VWDE: variants seen among roughly 807,000 people sequenced by gnomAD.
VWDE encodes von Willebrand factor D and EGF domains, also known as von Willebrand factor D and EGF domain-containing protein.
A neutral mutation model predicts 178.4 loss-of-function variants in VWDE; 207 were observed. That is an observed-to-expected ratio of 1.16 (90% CI 1.04 to 1.30). The LOEUF (loss-of-function observed/expected upper bound fraction) is 1.30. Ranked by LOEUF, VWDE falls within the 50% of genes most tolerant of loss-of-function variation. The pLI is 0.00. For missense variants in VWDE, 2,287 were observed against 1,901.3 expected (o/e 1.20, Z -3.77); for synonymous variants, 738 against 651.4 (o/e 1.13, Z -2.02).
At chr7:12,371,796 A>G (rs10276892) in intron 10 of VWDE, among the ~76,000 whole-genome samples, 45,460 of 151,950 alleles carry the variant, frequency 0.3, 7,700 homozygotes, top group African/African-American at 0.46. Context: ...ACTACAAAGT[A>G]TTCTACTATA....
chr7:12,394,054 A>G (rs535733727), intron 1 of VWDE, among the ~76,000 whole-genome samples: 8 of 152,300 alleles, frequency 5.3e-5, no homozygotes, highest in Admixed American at 6.5e-5. Context: ...TAATTCGAAC[A>G]ACCAATAGAG....
In VWDE at chr7:12,373,252, C is replaced by T. The variant is rs1356754381; in HGVS notation, c.1317-5G>A. ...GTCTTGAAATTATCATATACCCTATCATTAACAAAAGGCAATTGCATTAAA... is the reference window on the plus strand; with the variant it reads ...GTCTTGAAATTATCATATACCCTATTATTAACAAAAGGCAATTGCATTAAA... On this transcript the variant is annotated splice_polypyrimidine_tract_variant and splice_region_variant and intron_variant, in intron 9 of 28. Transcript: ENST00000275358. 3 of 1,548,596 alleles carry T rather than the reference C, an allele frequency of 1.9e-6. No individual in the cohort carries two copies. The African/African-American group carries it at 4.1e-5, about 21-fold the overall frequency.
At chr7:12,344,972 T>C (rs1294308789) in intron 19 of VWDE, among the ~76,000 whole-genome samples, 1 of 151,938 alleles carries the variant, frequency 6.6e-6, no homozygotes, top group Non-Finnish European at 1.5e-5. Context: ...CTTTTATCTG[T>C]TTAGCTGATT....
At chr7:12,394,899 T>A (rs560001308) in intron 1 of VWDE, among the ~76,000 whole-genome samples, 1 of 152,260 alleles carries the variant, frequency 6.6e-6, no homozygotes, top group South Asian at 2.1e-4. Context: ...AAAATCAATT[T>A]CTCAACTTTA....
Position 12,373,055 on chromosome 7 carries a change from T to C in VWDE, c.1509A>G (p.Gln503=). 6.4e-7 allele frequency: 1 copy of C among 1,551,276 alleles called. No individual in the cohort carries two copies. The highest frequency in any genetic ancestry group is 1.7e-4 in the Middle Eastern group (1 of 5,992). ...DMCNGQLRES[Q]PYLFIKSQDV... is the part of the protein sequence containing the mutation. ...CTTGGCTTTTTATGAACAAATATGG[T>C]TGTGATTCACGTAGCTGACCATTGC... Residue 503 remains glutamine (Q), a synonymous_variant, in exon 10 of 29, where the codon CAA becomes CAG. Transcript: ENST00000275358.
At chr7:12,331,839 C>A (rs1780737635) in intron 28 of VWDE, among the ~76,000 whole-genome samples, 2 of 152,048 alleles carry the variant, frequency 1.3e-5, no homozygotes, top group African/African-American at 4.8e-5. Context: ...TTCTCAAAGC[C>A]TTTTATCAAC....
At chr7:12,376,049 G>A (rs75557035) in intron 7 of VWDE, among the ~76,000 whole-genome samples, 2,035 of 152,120 alleles carry the variant, frequency 0.013, 17 homozygotes, top group Non-Finnish European at 0.022. Context: ...CTTCCATACA[G>A]ATTTTTTAGG....
chr7:12,354,385 G>A, intron 18 of VWDE: 1 of 441,934 alleles, frequency 2.3e-6, no homozygotes, highest in South Asian at 1.6e-5. Flanking sequence ...AAATCCTTCT[G>A]GACATGAACC....
intron 13 of VWDE, among the ~76,000 whole-genome samples, chr7:12,363,545 C>G (rs571060697): frequency 6.6e-6 from 1 of 151,578 alleles, no homozygotes; most frequent in African/African-American, 2.4e-5. Flanking sequence ...ACTACTAATA[C>G]AAAAGTAGAA....
At chr7:12,333,330 T>A (rs1780834058) in intron 28 of VWDE, 135 bp downstream of exon 28, 1 of 619,706 alleles carries the variant, frequency 1.6e-6, no homozygotes, top group Non-Finnish European at 2.7e-6. Flanking sequence ...ATACAATTTT[T>A]AATTTTAGAG....
chr7:12,374,976 T>G (rs765436926), intron 8 of VWDE, 34 bp downstream of exon 8: 36 of 1,520,718 alleles, frequency 2.4e-5, no homozygotes, highest in Middle Eastern at 3.6e-4. Flanking sequence ...TTCTTAAAGC[T>G]TCACTTGCAG....
At position 12,370,483 on chromosome 7, in the gene VWDE, T is replaced by C. The variant is rs1288682154; in HGVS notation, c.1823A>G (p.Asp608Gly). 6.5e-7 allele frequency: 1 copy of C among 1,540,700 alleles called. No individual in the cohort carries two copies. The highest frequency in any genetic ancestry group is 2.0e-5 in the Admixed American group (1 of 50,864). ...WRILPGKSMSDTLPVSMTSPG... is the reference protein window; with the variant it reads ...WRILPGKSMSGTLPVSMTSPG... ...TGATGTCATAGAAACTGGCAGTGTG[T>C]CAGACATGCTTTTTCCTGGTAAAAT... Residue 608 changes from aspartate (D) to glycine (G), a missense_variant, in exon 12 of 29, where the codon GAC (aspartate) becomes GGC (glycine). Asp to Gly is a moderately conservative substitution (Grantham distance 94). Coordinates refer to ENST00000275358, the MANE Select transcript of VWDE (RefSeq NM_001135924.3).
chr7:12,355,966 T>C, intron 18 of VWDE, 145 bp downstream of exon 18: 1 of 741,624 alleles, frequency 1.3e-6, no homozygotes, highest in Non-Finnish European at 2.2e-6. Context: ...GGGATATGGA[T>C]AGTAATTATA....
chr7:12,343,785 T>A (rs1461235171), intron 21 of VWDE, among the ~76,000 whole-genome samples: 1 of 152,198 alleles, frequency 6.6e-6, no homozygotes, highest in Non-Finnish European at 1.5e-5. Context: ...TTTTTACAAA[T>A]TCACTTTTTA....
At chr7:12,369,417 T>A (rs1053276148) in intron 12 of VWDE, 128 bp downstream of exon 12, 1 of 1,212,774 alleles carries the variant, frequency 8.2e-7, no homozygotes, top group African/African-American at 1.5e-5. Context: ...TTCATTAATA[T>A]GATTTGGAGG....
chr7:12,361,655 G>C (rs1199967908), intron 13 of VWDE, 134 bp from the exon 14 acceptor site: 1 of 772,566 alleles, frequency 1.3e-6, no homozygotes, highest in Non-Finnish European at 1.9e-6. Context: ...GGAAACAAAA[G>C]TCACATTGGG....
At position 12,357,336 on chromosome 7, in the gene VWDE, A is replaced by T; in HGVS notation, c.3454T>A (p.Leu1152Ile). Residue 1152 changes from leucine (L) to isoleucine (I), a missense_variant, in exon 17 of 29, where the codon TTA becomes ATA. Physicochemically the swap from Leu to Ile is conservative, Grantham distance 5. Coordinates refer to ENST00000275358, the MANE Select transcript of VWDE (RefSeq NM_001135924.3). ...ACAGTAATTTGTTGGGTAGTTAGTAAATCTGTTTTCCACATAAAAAGCCCT... is the reference window on the plus strand; with the variant it reads ...ACAGTAATTTGTTGGGTAGTTAGTATATCTGTTTTCCACATAAAAAGCCCT... The part of the protein sequence containing the change: ...SAGLFMWKTD[L>I]LTTQQITVRL... 1 of 1,552,140 alleles carries T rather than the reference A, an allele frequency of 6.4e-7. No individual in the cohort carries two copies. Among genetic ancestry groups the T allele is most frequent in the Non-Finnish European group, 8.7e-7 (1 of 1,147,112 alleles).
intron 1 of VWDE, among the ~76,000 whole-genome samples, chr7:12,396,585 G>T (rs1389020482): frequency 1.3e-5 from 2 of 152,046 alleles, no homozygotes; most frequent in African/African-American, 4.8e-5. Context: ...AATTTTGTTG[G>T]AAAACCATTC....
Position 12,375,152 on chromosome 7 carries a change from T to C in VWDE, c.1100A>G (p.Asn367Ser). Residue 367 changes from asparagine (N) to serine (S), a missense_variant, in exon 8 of 29, where the codon AAT becomes AGT. Physicochemically the swap from Asn to Ser is conservative, Grantham distance 46. Transcript: ENST00000275358. ...VDLLQTSSCANGTCSHTFVYY... is the reference protein window; with the variant it reads ...VDLLQTSSCASGTCSHTFVYY... ...CACAAAAGTGTGGCTACAGGTTCCATTAGCACAGGAAGATGTCTGGAGAAG... is the reference window on the plus strand; with the variant it reads ...CACAAAAGTGTGGCTACAGGTTCCACTAGCACAGGAAGATGTCTGGAGAAG... 1 of 1,551,210 alleles carries C rather than the reference T, an allele frequency of 6.4e-7. No individual in the cohort carries two copies. The highest frequency in any genetic ancestry group is 8.7e-7 in the Non-Finnish European group (1 of 1,146,634).
Sources: gnomAD v4.1 joint callset for allele counts (sites outside exome capture counted in the v4.1 genomes callset) on GRCh38, gnomAD v4.1.1 for gene constraint, MANE v1.5 for transcripts, NCBI Gene and HGNC (gene_info 2026-07-23, HGNC 2026-07-21) for gene names.